Variants in INPP4B observed in about 807,000 individuals in gnomAD.
INPP4B encodes inositol polyphosphate 4-phosphatase type II.
INPP4B carries 55 observed loss-of-function variants against 122.5 expected under a neutral mutation model. The ratio of observed to expected loss-of-function variants is 0.45; its 90% CI spans 0.36 to 0.56. The LOEUF is 0.56. INPP4B is among the 20% of genes least tolerant of loss of function. The pLI, the probability that INPP4B is intolerant of heterozygous loss-of-function variation, is 0.00. For missense variants in INPP4B, 1,000 were observed against 1,097.7 expected (o/e 0.91, Z 1.26); for synonymous variants, 403 against 388.7 (o/e 1.04, Z -0.43).
Position 142,149,022 on chromosome 4 carries a change from G to T in INPP4B, c.1564-3026C>A, listed in dbSNP as rs6835439. On this transcript the variant is annotated intron_variant, in intron 17 of 25. Coordinates refer to ENST00000262992, the MANE Select transcript of INPP4B (RefSeq NM_001101669.3). The stretch of plus-strand genomic sequence containing the variant: ...TCTATCCCTTGTCTGTTGGAGAGGA[G>T]ATGCTGCCTATCTGGTGGTGAGAGA... 3.7e-3 allele frequency among the ~76,000 whole-genome samples: 558 copies of T among 152,354 alleles called. 5 individuals are homozygous for T. The highest frequency in any genetic ancestry group is 0.012 in the African/African-American group (516 of 41,584).
At chr4:142,495,172 T>C (rs1485177859) in intron 2 of INPP4B, among the ~76,000 whole-genome samples, 8 of 152,156 alleles carry the variant, frequency 5.3e-5, no homozygotes, top group African/African-American at 1.9e-4. Context: ...TTATCTATTA[T>C]ACGTGAAACT....
chr4:142,763,806 T>C (rs531245336), intron 1 of INPP4B, among the ~76,000 whole-genome samples: 1 of 152,198 alleles, frequency 6.6e-6, no homozygotes, highest in East Asian at 1.9e-4. Flanking sequence ...AAGACAAAAT[T>C]ACAAATTTTG....
At chr4:142,161,523 T>C (rs1820087486) in intron 16 of INPP4B, among the ~76,000 whole-genome samples, 1 of 151,952 alleles carries the variant, frequency 6.6e-6, no homozygotes, top group Non-Finnish European at 1.5e-5. Context: ...ATAATTGATA[T>C]TGCCACCATT....
chr4:142,069,968 T>G (rs1214060447), intron 25 of INPP4B, among the ~76,000 whole-genome samples: 1 of 151,726 alleles, frequency 6.6e-6, no homozygotes, highest in Non-Finnish European at 1.5e-5. Context: ...GAGGGAATCC[T>G]CCTCCCTAAC....
intron 9 of INPP4B, among the ~76,000 whole-genome samples, chr4:142,299,491 T>C (rs1760414581): frequency 6.6e-6 from 1 of 151,880 alleles, no homozygotes; most frequent in Admixed American, 6.6e-5. Context: ...AGTGTTTTGA[T>C]GCATTGCTTT....
At chr4:142,722,015 G>A (rs1479494170) in intron 2 of INPP4B, among the ~76,000 whole-genome samples, 2 of 152,088 alleles carry the variant, frequency 1.3e-5, no homozygotes, top group African/African-American at 4.8e-5. Context: ...AAAAGTAAAC[G>A]TGGCTGGCAG....
At chr4:142,150,731 G>A (rs1813431427) in intron 17 of INPP4B, among the ~76,000 whole-genome samples, 1 of 152,138 alleles carries the variant, frequency 6.6e-6, no homozygotes, top group South Asian at 2.1e-4. Flanking sequence ...TCGCCAGGGG[G>A]ACATTACACC....
Position 142,026,279 on chromosome 4 carries a change from A to T in INPP4B, c.*2503T>A, listed in dbSNP as rs1736968885. 1 of 152,186 alleles carries T rather than the reference A, an allele frequency of 6.6e-6. No homozygotes were observed. The highest frequency in any genetic ancestry group is 6.5e-5 in the Admixed American group (1 of 15,268). The allele number at this position is 152,186 out of a possible 1,614,324, so 9.4% of individuals were successfully genotyped here. A position where few individuals can be genotyped will look rare whatever the true frequency, so the allele number is the denominator to read the frequency against. ...TAGTGAAGTGGTTGTTTAAGAATGA[A>T]CTGCCTCTCAGGAAAAAAGCAATAT... is the stretch of plus-strand genomic sequence containing the variant. On this transcript the variant is annotated 3_prime_UTR_variant, in exon 26 of 26. Coordinates refer to ENST00000262992, the MANE Select transcript of INPP4B (RefSeq NM_001101669.3).
Position 142,507,708 on chromosome 4 carries a change from G to A in INPP4B, c.-190-44982C>T, listed in dbSNP as rs150339449. ...TTGGAGTTAGCAGAACTCTGGATGT[G>A]AGTTGCCAGCTCTACAAGATAAAGA... On this transcript the variant is annotated intron_variant, in intron 2 of 25. Coordinates refer to ENST00000262992, the MANE Select transcript of INPP4B (RefSeq NM_001101669.3). Among the ~76,000 whole-genome samples the A allele has an allele frequency of 6.4e-4, 97 of 152,216 alleles. 1 individual carries two copies. Among genetic ancestry groups the A allele is most frequent in the African/African-American group, 2.3e-3 (95 of 41,542 alleles).
At chr4:142,824,931 CT>C (rs200615803) in intron 1 of INPP4B, among the ~76,000 whole-genome samples, 2 of 151,572 alleles carry the variant, frequency 1.3e-5, no homozygotes, top group African/African-American at 2.4e-5. Flanking sequence ...GTGTTGAGGA[CT>C]TTTTTTTAAG....
intron 21 of INPP4B, among the ~76,000 whole-genome samples, chr4:142,114,615 G>C (rs1792033951): frequency 6.6e-6 from 1 of 151,838 alleles, no homozygotes; most frequent in African/African-American, 2.4e-5. Context: ...TTAGGTTTTT[G>C]GTGTCATTAT....
At chr4:142,042,562 T>G (rs28622348) in intron 25 of INPP4B, among the ~76,000 whole-genome samples, 11,526 of 34,018 alleles carry the variant, frequency 0.34, 1,091 homozygotes, top group African/African-American at 0.43. Context: ...ATGTATGTAT[T>G]TATTTATTTA....
chr4:142,383,425 A>G lies in INPP4B; in HGVS notation c.372+19513T>C, dbSNP rs1794881673. Among the ~76,000 whole-genome samples, 4 of 152,176 alleles carry G rather than the reference A, an allele frequency of 2.6e-5. No individual in the cohort carries two copies. In the South Asian group the frequency reaches 8.3e-4, roughly 32 times the overall value. On this transcript the variant is annotated intron_variant, in intron 7 of 25. Transcript: ENST00000262992. The stretch of plus-strand genomic sequence containing the variant: ...AGAATAACTGCTTACCACCTAGGCT[A>G]TGAGGTTGTGGGTCAAACCTAACTG...
intron 7 of INPP4B, among the ~76,000 whole-genome samples, chr4:142,391,095 C>T (rs1402183097): frequency 3.3e-5 from 5 of 152,160 alleles, no homozygotes; most frequent in Admixed American, 6.5e-5. Flanking sequence ...CAAGAAAATA[C>T]TTTGCCAGAT....
intron 24 of INPP4B, among the ~76,000 whole-genome samples, chr4:142,084,111 A>C (rs900465494): frequency 2.0e-5 from 3 of 152,034 alleles, no homozygotes; most frequent in African/African-American, 7.2e-5. Context: ...AAAACAAATG[A>C]CTTTATTTTT....
intron 7 of INPP4B, among the ~76,000 whole-genome samples, chr4:142,334,964 T>C (rs1776054517): frequency 6.6e-6 from 1 of 152,030 alleles, no homozygotes; most frequent in Non-Finnish European, 1.5e-5. Context: ...AGTGAAAGGA[T>C]AAATCTATTA....
intron 7 of INPP4B, among the ~76,000 whole-genome samples, chr4:142,376,683 C>G (rs892676501): frequency 6.6e-6 from 1 of 151,994 alleles, no homozygotes; most frequent in Non-Finnish European, 1.5e-5. Flanking sequence ...GAAATCATCA[C>G]CCAACTCAAA....
chr4:142,471,584 G>A (rs1818835037), intron 2 of INPP4B, among the ~76,000 whole-genome samples: 2 of 152,102 alleles, frequency 1.3e-5, no homozygotes, highest in Admixed American at 1.3e-4. Flanking sequence ...AATCCATCTG[G>A]CAACCCATTC....
intron 17 of INPP4B, 57 bp downstream of exon 17, chr4:142,160,301 C>G (rs1819460490): frequency 6.9e-6 from 8 of 1,159,680 alleles, no homozygotes; most frequent in Non-Finnish European, 8.2e-6. Context: ...TCTGATCATT[C>G]CTACCTTATT....
Sources: allele counts gnomAD v4.1 joint callset (sites outside exome capture counted in the v4.1 genomes callset), GRCh38; gene constraint gnomAD v4.1.1; transcripts MANE v1.5; gene names NCBI Gene and HGNC (gene_info 2026-07-23, HGNC 2026-07-21).